The following KIF1B variants were observed in gnomAD, a reference collection of about 807,000 sequenced individuals.
The protein encoded by KIF1B is kinesin family member 1B, also known as kinesin-like protein KIF1B.
KIF1B carries 76 observed loss-of-function variants against 241.9 expected under a neutral mutation model. That is an observed-to-expected ratio of 0.31 (90% CI 0.26 to 0.38). The LOEUF is 0.38. Among genes scored for constraint, KIF1B ranks in the 10% least tolerant of loss-of-function variants. KIF1B has a pLI of 1.00. For missense variants in KIF1B, 1,622 were observed against 2,271.4 expected, an observed-to-expected ratio of 0.71 and a Z score of 5.81; for synonymous variants, 750 against 796.7, an observed-to-expected ratio of 0.94 and a Z score of 0.99.
chr1:10,322,040 T>A (rs1485348610), intron 24 of KIF1B, among the ~76,000 whole-genome samples, 183 bp downstream of exon 24: 2 of 152,224 alleles, frequency 1.3e-5, no homozygotes, highest in Non-Finnish European at 2.9e-5. Flanking sequence ...CTAATTAAAT[T>A]TTTGTTAAAT....
At chr1:10,338,149 T>G (rs879252106) in intron 31 of KIF1B, among the ~76,000 whole-genome samples, 12 of 152,114 alleles carry the variant, frequency 7.9e-5, no homozygotes, top group Non-Finnish European at 1.8e-4. Context: ...TCAATTTGTC[T>G]TTTCAGTACT....
At chr1:10,340,025 A>T (rs146471255) in intron 32 of KIF1B, among the ~76,000 whole-genome samples, 166 bp downstream of exon 32, 317 of 152,340 alleles carry the variant, frequency 2.1e-3, no homozygotes, top group African/African-American at 7.1e-3. Context: ...CGGCCTGAGC[A>T]GCAAGCCTTC....
chr1:10,365,154 G>A lies in KIF1B; in HGVS notation c.4421G>A (p.Gly1474Glu), dbSNP rs770712102. 1 of 1,614,098 alleles carries A rather than the reference G, an allele frequency of 6.2e-7. No individual in the cohort carries two copies. Among genetic ancestry groups the A allele is most frequent in the Non-Finnish European group, 8.5e-7 (1 of 1,180,020 alleles). The change falls in exon 42 of 49, where the codon GGA becomes GAA. Residue 1474 changes from glycine to glutamate, a missense_variant. This residue lies in a region of KIF1B where 803 missense variants were observed against 1,112.0 expected (regional missense o/e 0.72). Transcript: ENST00000676179. The surrounding 1 kb of genome is among the most constrained non-coding windows in gnomAD (Gnocchi z 4.0). ...ILDTSVAYVR[G>E]EENLAGWRPR... ...GATACGTCAGTGGCATATGTGCGGGGAGAAGAGAACTTAGCAGGCTGGCGG... is the reference window on the plus strand; with the variant it reads ...GATACGTCAGTGGCATATGTGCGGGAAGAAGAGAACTTAGCAGGCTGGCGG...
At chr1:10,270,992 C>T (rs1648763427) in intron 7 of KIF1B, among the ~76,000 whole-genome samples, 1 of 151,102 alleles carries the variant, frequency 6.6e-6, no homozygotes, top group South Asian at 2.1e-4. Context: ...TACCATTTTA[C>T]ATTCCCACCA....
chr1:10,325,664 G>GCAAA (rs964480287), intron 26 of KIF1B, among the ~76,000 whole-genome samples: 2 of 152,114 alleles, frequency 1.3e-5, no homozygotes, highest in Admixed American at 1.3e-4. Context: ...TCTTACCCTA[G>GCAAA]CAAAGCACAT....
At chr1:10,265,237 TTTATTTATTTA>T (rs1648390479) in intron 5 of KIF1B, among the ~76,000 whole-genome samples, 5 of 148,980 alleles carry the variant, frequency 3.4e-5, no homozygotes, top group African/African-American at 1.2e-4. Context: ...TATTTATTTA[TTTATTTATTTA>T]TTTTTAGAGA....
At chr1:10,375,488 A>T in intron 48 of KIF1B, 115 bp downstream of exon 48, 1 of 827,894 alleles carries the variant, frequency 1.2e-6, no homozygotes, top group South Asian at 1.4e-5. Flanking sequence ...GGTTCAAGCG[A>T]TTCTCCTGAC....
At chr1:10,243,188 G>A (rs749500295) in intron 2 of KIF1B, among the ~76,000 whole-genome samples, 6 of 152,126 alleles carry the variant, frequency 3.9e-5, no homozygotes, top group South Asian at 2.1e-4. Context: ...AGGCTGAGGC[G>A]GGTGAATCAC....
chr1:10,344,371 AAC>A (rs1652512790), intron 34 of KIF1B, among the ~76,000 whole-genome samples: 1 of 152,180 alleles, frequency 6.6e-6, no homozygotes, highest in Non-Finnish European at 1.5e-5. Context: ...CTGCATATGA[AAC>A]ACTGACATTT....
At chr1:10,279,295 T>C (rs1439086636) in intron 14 of KIF1B, among the ~76,000 whole-genome samples, 157 bp downstream of exon 14, 6 of 152,228 alleles carry the variant, frequency 3.9e-5, no homozygotes, top group Non-Finnish European at 5.9e-5. Flanking sequence ...TTTTTGCCCT[T>C]CTTCATTTAG....
At chr1:10,282,226 CT>C (rs1187143324) in intron 14 of KIF1B, 95 bp from the exon 15 acceptor site, 10 of 998,398 alleles carry the variant, frequency 1.0e-5, no homozygotes, top group Non-Finnish European at 1.5e-5. Context: ...TAATGCTGTC[CT>C]TTCTTACAAC....
At chr1:10,223,366 A>G (rs990249956) in intron 1 of KIF1B, among the ~76,000 whole-genome samples, 29 of 152,306 alleles carry the variant, frequency 1.9e-4, no homozygotes, top group African/African-American at 6.5e-4. Context: ...TTAAAGGAGC[A>G]GGGAGTTTTG....
At chr1:10,356,935 G>A (rs12725210) in intron 38 of KIF1B, among the ~76,000 whole-genome samples, 54,014 of 151,430 alleles carry the variant, frequency 0.36, 9,716 homozygotes, top group Admixed American at 0.39. Context: ...AATAAAGTGC[G>A]GTAGCATGAT....
intron 44 of KIF1B, among the ~76,000 whole-genome samples, chr1:10,369,446 T>C (rs899673182): frequency 9.9e-5 from 15 of 151,942 alleles, no homozygotes; most frequent in African/African-American, 3.6e-4. Context: ...CTGGGCAATA[T>C]AGCACAAATA....
rs1536262 is a variant in KIF1B at position 10,378,629 on chromosome 1, C to T, written c.*2042C>T. 0.5 allele frequency: 286,816 copies of T among 576,098 alleles called. 73,986 individuals carry two copies. Among genetic ancestry groups the T allele is most frequent in the African/African-American group, 0.74 (39,444 of 53,504 alleles). 35.7% of individuals were successfully genotyped at this position (576,098 alleles called of 1,614,324 possible). ...GGCAGCTGGATGACTTCCCGCTTCA[C>T]GCAGCAAAGGCCAGGGGCTTGCGCG... On this transcript the variant is annotated 3_prime_UTR_variant, in exon 49 of 49. Coordinates refer to ENST00000676179, the MANE Select transcript of KIF1B (RefSeq NM_001365951.3).
At chr1:10,332,795 A>G (rs961456194) in intron 27 of KIF1B, among the ~76,000 whole-genome samples, 5 of 146,762 alleles carry the variant, frequency 3.4e-5, no homozygotes, top group Admixed American at 6.8e-5. Flanking sequence ...GATTACAAGC[A>G]TGAGCCACCG....
intron 38 of KIF1B, among the ~76,000 whole-genome samples, chr1:10,353,727 A>G (rs1466711786): frequency 6.6e-6 from 1 of 152,234 alleles, no homozygotes; most frequent in East Asian, 1.9e-4. Flanking sequence ...CATAGGAAAG[A>G]GAAAAAAGAA....
At chr1:10,296,822 A>G (rs1650287559) in intron 20 of KIF1B, 75 bp from the exon 21 acceptor site, 1 of 1,401,144 alleles carries the variant, frequency 7.1e-7, no homozygotes, top group Non-Finnish European at 1.0e-6. Context: ...CACATTAGGG[A>G]GGGGTGAGGT....
intron 40 of KIF1B, among the ~76,000 whole-genome samples, chr1:10,362,679 T>C (rs1004216647): frequency 1.3e-5 from 2 of 152,150 alleles, no homozygotes; most frequent in Admixed American, 1.3e-4. Context: ...GTCTCTCTTA[T>C]AGTAAGAAAA....
Sources: gnomAD v4.1 joint callset for allele counts (sites outside exome capture counted in the v4.1 genomes callset) on GRCh38, gnomAD v4.1.1 for gene constraint, gnomAD v4.1.1 regional missense constraint, Gnocchi (gnomAD v3.1) non-coding constraint, MANE v1.5 for transcripts, NCBI Gene and HGNC (gene_info 2026-07-23, HGNC 2026-07-21) for gene names.